EBF2: variants seen among roughly 807,000 people sequenced by gnomAD.
The protein encoded by EBF2 is transcription factor COE2.
EBF2 carries 21 observed loss-of-function variants against 72.8 expected under a neutral mutation model. That is an observed-to-expected ratio of 0.29 (90% CI 0.20 to 0.42). The LOEUF is 0.42. Ranked by LOEUF, EBF2 falls within the 10% of genes least tolerant of loss-of-function variation. The pLI, the probability that EBF2 is intolerant of heterozygous loss-of-function variation, is 1.00. For synonymous variants in EBF2, 299 were observed against 274.2 expected, an observed-to-expected ratio of 1.09 and a Z score of -0.89; for missense variants, 637 against 731.2, an observed-to-expected ratio of 0.87 and a Z score of 1.49.
At chr8:26,018,830 C>A (rs548408163) in intron 6 of EBF2, among the ~76,000 whole-genome samples, 17 of 151,658 alleles carry the variant, frequency 1.1e-4, no homozygotes, top group African/African-American at 4.1e-4. Context: ...CACTGACCCC[C>A]AACCAACATT....
At chr8:26,016,247 T>C (rs796125213) in intron 6 of EBF2, among the ~76,000 whole-genome samples, 6 of 152,348 alleles carry the variant, frequency 3.9e-5, no homozygotes, top group African/African-American at 1.2e-4. Context: ...TTGGGGCCTC[T>C]ACCCAGAGTC....
At chr8:25,894,424 C>A (rs558951468) in intron 7 of EBF2, among the ~76,000 whole-genome samples, 1 of 152,280 alleles carries the variant, frequency 6.6e-6, no homozygotes, top group East Asian at 1.9e-4. Context: ...TACTCCCAGG[C>A]CTTCCCCTTC....
intron 7 of EBF2, among the ~76,000 whole-genome samples, chr8:25,894,472 G>C (rs1028300753): frequency 6.6e-6 from 1 of 152,012 alleles, no homozygotes; most frequent in African/African-American, 2.4e-5. Context: ...GTATTTCCTG[G>C]GTCACGAAGG....
intron 6 of EBF2, among the ~76,000 whole-genome samples, chr8:26,021,010 CA>C (rs1464481889): frequency 1.3e-5 from 2 of 152,180 alleles, no homozygotes; most frequent in African/African-American, 4.8e-5. Context: ...CGAGCCTAAA[CA>C]ATCCCACATG....
At chr8:26,034,951 C>G (rs1373999005) in intron 5 of EBF2, among the ~76,000 whole-genome samples, 1 of 152,166 alleles carries the variant, frequency 6.6e-6, no homozygotes, top group African/African-American at 2.4e-5. Context: ...GTCTTTAACC[C>G]CTCTGGGCTT....
At chr8:25,958,802 C>T (rs1384703423) in intron 6 of EBF2, among the ~76,000 whole-genome samples, 3 of 152,200 alleles carry the variant, frequency 2.0e-5, no homozygotes, top group African/African-American at 7.2e-5. Flanking sequence ...TACACTAAGG[C>T]CCAGGAGAAC....
At chr8:25,939,712 C>T (rs1803638375) in intron 6 of EBF2, among the ~76,000 whole-genome samples, 1 of 152,158 alleles carries the variant, frequency 6.6e-6, no homozygotes, top group Admixed American at 6.5e-5. Flanking sequence ...GGACAAATCA[C>T]TTAACTTTTG....
chr8:25,961,952 T>TA (rs1804041775), intron 6 of EBF2, among the ~76,000 whole-genome samples: 1 of 152,172 alleles, frequency 6.6e-6, no homozygotes, highest in African/African-American at 2.4e-5. Context: ...AAAAAATGTG[T>TA]AAGCCAAACC....
At chr8:25,852,787 G>A (rs906069021) in intron 14 of EBF2, among the ~76,000 whole-genome samples, 1 of 152,212 alleles carries the variant, frequency 6.6e-6, no homozygotes, top group Non-Finnish European at 1.5e-5. Flanking sequence ...TAATAAAAAT[G>A]CTGAAAGGAA....
At chr8:26,036,696 G>A (rs1259496625) in intron 5 of EBF2, among the ~76,000 whole-genome samples, 2 of 152,042 alleles carry the variant, frequency 1.3e-5, no homozygotes, top group Non-Finnish European at 2.9e-5. Flanking sequence ...CAAACAGTGT[G>A]GAACAGCTAA....
intron 6 of EBF2, among the ~76,000 whole-genome samples, chr8:25,951,590 G>A (rs1344539304): frequency 6.6e-6 from 1 of 152,208 alleles, no homozygotes; most frequent in Non-Finnish European, 1.5e-5. Context: ...GACTCTCTGA[G>A]AACCTGGAAA....
intron 6 of EBF2, among the ~76,000 whole-genome samples, chr8:26,008,975 A>G (rs980078946): frequency 6.6e-6 from 1 of 151,986 alleles, no homozygotes; most frequent in African/African-American, 2.4e-5. Flanking sequence ...TCACAAACTG[A>G]AAACAAAATT....
intron 6 of EBF2, among the ~76,000 whole-genome samples, chr8:25,953,792 C>T (rs1803899932): frequency 6.6e-6 from 1 of 152,180 alleles, no homozygotes; most frequent in African/African-American, 2.4e-5. Context: ...AATGACAGTC[C>T]CTAGTTAGGG....
chr8:25,869,100 A>T (rs766503263), intron 10 of EBF2, among the ~76,000 whole-genome samples: 4 of 152,192 alleles, frequency 2.6e-5, no homozygotes, highest in Non-Finnish European at 4.4e-5. Flanking sequence ...CTGCAATAGC[A>T]CAACTTTTCC....
At chr8:26,028,562 C>T (rs2117252634) in intron 6 of EBF2, among the ~76,000 whole-genome samples, 1 of 152,256 alleles carries the variant, frequency 6.6e-6, no homozygotes, top group South Asian at 2.1e-4. Context: ...TCAGACTGTC[C>T]CTAAAGTCCT....
At chr8:26,035,939 G>A (rs1309705777) in intron 5 of EBF2, among the ~76,000 whole-genome samples, 1 of 148,762 alleles carries the variant, frequency 6.7e-6, no homozygotes, top group Non-Finnish European at 1.5e-5. Context: ...TTATGTCAAC[G>A]TAATACCTTT....
intron 6 of EBF2, among the ~76,000 whole-genome samples, chr8:25,929,137 G>A (rs1803438625): frequency 6.6e-6 from 1 of 152,198 alleles, no homozygotes; most frequent in African/African-American, 2.4e-5. Context: ...GTTGAGCAGT[G>A]ATCTGCTCAT....
intron 13 of EBF2, 67 bp downstream of exon 13, chr8:25,860,982 T>C (rs754645929): frequency 6.3e-7 from 1 of 1,588,478 alleles, no homozygotes. Context: ...AACCTCTGAC[T>C]CTGTCCACTC....
intron 6 of EBF2, among the ~76,000 whole-genome samples, chr8:26,004,569 A>C (rs1804799995): frequency 1.4e-5 from 2 of 148,114 alleles, no homozygotes; most frequent in African/African-American, 5.0e-5. Flanking sequence ...CAGTTTCTTG[A>C]GAGGCTGAGG....
Sources: gnomAD v4.1 joint callset for allele counts (sites outside exome capture counted in the v4.1 genomes callset) on GRCh38, gnomAD v4.1.1 for gene constraint, MANE v1.5 for transcripts, NCBI Gene and HGNC (gene_info 2026-07-23, HGNC 2026-07-21) for gene names.